Variants in OPRM1 observed in about 807,000 individuals in gnomAD.
OPRM1 encodes the protein opioid receptor mu 1.
In OPRM1, 27 loss-of-function variants were observed where a neutral mutation model predicts 31.8. The observed-to-expected ratio is 0.85, with a 90% CI of 0.63 to 1.17. The LOEUF (loss-of-function observed/expected upper bound fraction) is 1.17. Among genes scored for constraint, OPRM1 ranks in the 50% most tolerant of loss-of-function variants. The probability of loss-of-function intolerance (pLI) is 0.00; values close to 1 mark genes in which losing one functional copy is unlikely to be tolerated. For synonymous variants in OPRM1, 196 were observed against 189.9 expected (o/e 1.03, Z -0.26); for missense variants, 536 against 511.1 (o/e 1.05, Z -0.47).
At chr6:154,144,011 A>T (rs1798292030) in intron 3 of OPRM1, among the ~76,000 whole-genome samples, 1 of 152,252 alleles carries the variant, frequency 6.6e-6, no homozygotes, top group African/African-American at 2.4e-5. Context: ...ACCTGCAGAT[A>T]TCAAAAGGAT....
intron 3 of OPRM1, among the ~76,000 whole-genome samples, chr6:154,205,970 C>G (rs533089547): frequency 6.6e-6 from 1 of 152,040 alleles, no homozygotes; most frequent in Non-Finnish European, 1.5e-5. Context: ...TGCTGCTAGG[C>G]CTGAAACTAA....
chr6:154,064,102 G>A (rs1583310916), intron 1 of OPRM1, among the ~76,000 whole-genome samples: 1 of 151,960 alleles, frequency 6.6e-6, no homozygotes, highest in Non-Finnish European at 1.5e-5. Context: ...CAGTCCATAA[G>A]GGTCCTATAC....
At chr6:154,045,147 A>T (rs1470170819) in intron 1 of OPRM1, among the ~76,000 whole-genome samples, 1 of 152,076 alleles carries the variant, frequency 6.6e-6, no homozygotes, top group East Asian at 1.9e-4. Flanking sequence ...AATTTCTTGT[A>T]CCCAGAGGCA....
chr6:154,039,193 G>A, upstream of OPRM1: 1 of 1,551,674 alleles, frequency 6.4e-7, no homozygotes, highest in Non-Finnish European at 8.7e-7. Flanking sequence ...CCAGTGAAGA[G>A]ACCTACTCCT....
intron 1 of OPRM1, among the ~76,000 whole-genome samples, chr6:154,031,350 A>G (rs1778994330): frequency 6.6e-6 from 1 of 152,010 alleles, no homozygotes; most frequent in East Asian, 1.9e-4. Flanking sequence ...TCTCCTGGCA[A>G]CCAGTTGCTA....
At chr6:154,190,210 C>T (rs1039826247) in intron 3 of OPRM1, among the ~76,000 whole-genome samples, 5 of 151,784 alleles carry the variant, frequency 3.3e-5, no homozygotes, top group Non-Finnish European at 5.9e-5. Context: ...AATAAAATGA[C>T]GTTTCACATT....
downstream of OPRM1, among the ~76,000 whole-genome samples, chr6:154,136,988 T>C (rs1798076987): frequency 1.3e-5 from 2 of 152,232 alleles, no homozygotes; most frequent in Admixed American, 6.5e-5. Flanking sequence ...ACATCAAGTA[T>C]GGACTATTTA....
At chr6:154,190,218 A>G (rs867901794) in intron 3 of OPRM1, among the ~76,000 whole-genome samples, 3 of 152,320 alleles carry the variant, frequency 2.0e-5, no homozygotes, top group South Asian at 4.1e-4. Flanking sequence ...GACGTTTCAC[A>G]TTAAAAATAT....
At chr6:154,214,093 C>T in intron 3 of OPRM1, 1 of 701,400 alleles carries the variant, frequency 1.4e-6, no homozygotes. Context: ...TTCAGATCAT[C>T]TTAAATGCCA....
In OPRM1 at chr6:154,069,473, G is replaced by A. The variant is rs554367989; in HGVS notation, c.291-20353G>A. On this transcript the variant is annotated intron_variant, in intron 1 of 3. Transcript: ENST00000330432. ...AGGATGGTCTCGATCACTTGACCTC[G>A]TGATCTGCCCACCTCGGCCTCCCAA... is the stretch of plus-strand genomic sequence containing the variant. Among the ~76,000 whole-genome samples the A allele has an allele frequency of 6.6e-5, 10 of 152,198 alleles. No homozygotes were observed. The South Asian group carries it at 8.3e-4, about 13-fold the overall frequency.
intron 3 of OPRM1, among the ~76,000 whole-genome samples, chr6:154,172,314 G>A (rs1039050276): frequency 1.3e-5 from 2 of 152,204 alleles, no homozygotes; most frequent in African/African-American, 4.8e-5. Flanking sequence ...CCCATGGAGG[G>A]TGAGCTGAAG....
intron 1 of OPRM1, among the ~76,000 whole-genome samples, chr6:154,051,246 T>A (rs1473735851): frequency 6.6e-6 from 1 of 152,230 alleles, no homozygotes; most frequent in Non-Finnish European, 1.5e-5. Context: ...ATCCTTACTC[T>A]AATTTTTGGT....
At chr6:154,147,624 A>T (rs942094236) in intron 3 of OPRM1, among the ~76,000 whole-genome samples, 2 of 152,172 alleles carry the variant, frequency 1.3e-5, no homozygotes, top group African/African-American at 4.8e-5. Flanking sequence ...TCCTTCTTCT[A>T]TTAAGAAACA....
At chr6:154,010,705 T>C (rs1204749753) in exon 1 of OPRM1, 9 of 1,438,154 alleles carry the variant, frequency 6.3e-6, no homozygotes, top group Non-Finnish European at 5.5e-6. Flanking sequence ...GACAGGCTTC[T>C]GGATTCAGTG....
chr6:154,068,041 C>T (rs372051596), intron 1 of OPRM1, among the ~76,000 whole-genome samples: 22 of 152,064 alleles, frequency 1.4e-4, no homozygotes, highest in African/African-American at 5.3e-4. Flanking sequence ...TTCCTTTCAA[C>T]CTGCAAGACT....
chr6:154,140,252 C>T (rs1798162732), intron 3 of OPRM1, among the ~76,000 whole-genome samples: 1 of 152,180 alleles, frequency 6.6e-6, no homozygotes, highest in Non-Finnish European at 1.5e-5. Context: ...AACTTTCAAG[C>T]TTACATACTT....
At chr6:154,144,748 C>CAAAAAAAAAAAAAAAAAAAAAAAA (rs58367883) in intron 3 of OPRM1, among the ~76,000 whole-genome samples, 1 of 70,504 alleles carries the variant, frequency 1.4e-5, no homozygotes, top group Non-Finnish European at 2.7e-5. Context: ...GACTCTGTCT[C>CAAAAAAAAAAAAAAAAAAAAAAAA]AAAAAAAAAA....
chr6:154,094,925 G>A (rs994473410), intron 3 of OPRM1, among the ~76,000 whole-genome samples: 1 of 152,196 alleles, frequency 6.6e-6, no homozygotes, highest in Admixed American at 6.5e-5. Flanking sequence ...ATGAGACAGG[G>A]AAGCCATTAC....
chr6:154,107,404 AGAG>A (rs1287773727), intron 3 of OPRM1: 8 of 713,250 alleles, frequency 1.1e-5, no homozygotes, highest in Non-Finnish European at 1.0e-5. Flanking sequence ...GACAGTCCGC[AGAG>A]GAGAAGAGAA....
Sources: allele counts gnomAD v4.1 joint callset (sites outside exome capture counted in the v4.1 genomes callset), GRCh38; gene constraint gnomAD v4.1.1; transcripts MANE v1.5; gene names NCBI Gene and HGNC (gene_info 2026-07-23, HGNC 2026-07-21).